The following SMPD3 variants were observed in gnomAD, a reference collection of about 807,000 sequenced individuals.
The protein encoded by SMPD3 is nSMase-2.
SMPD3 carries 21 observed loss-of-function variants against 55.7 expected under a neutral mutation model. That is an observed-to-expected ratio of 0.38 (90% CI 0.27 to 0.54). SMPD3 has a LOEUF of 0.54. Ranked by LOEUF, SMPD3 falls within the 20% of genes least tolerant of loss-of-function variation. SMPD3 has a pLI of 0.80. For missense variants in SMPD3, 842 were observed against 899.6 expected (o/e 0.94, Z 0.82); for synonymous variants, 457 against 404.3 (o/e 1.13, Z -1.56).
chr16:68,402,546 T>C (rs141553577), intron 1 of SMPD3, among the ~76,000 whole-genome samples: 1 of 152,258 alleles, frequency 6.6e-6, no homozygotes, highest in African/African-American at 2.4e-5. Flanking sequence ...ATTTGTTATA[T>C]AGCATGGTAG....
intron 1 of SMPD3, among the ~76,000 whole-genome samples, chr16:68,420,055 C>T (rs2090378076): frequency 6.7e-6 from 1 of 150,144 alleles, no homozygotes; most frequent in African/African-American, 2.5e-5. Context: ...GTGATCTTGG[C>T]TCACTGCAGC....
At chr16:68,374,383 AG>A (rs2089754862) in intron 2 of SMPD3, among the ~76,000 whole-genome samples, 1 of 152,224 alleles carries the variant, frequency 6.6e-6, no homozygotes, top group African/African-American at 2.4e-5. Context: ...CACTCTCCTC[AG>A]GGGAAATGCC....
chr16:68,376,855 T>A (rs1211771626), intron 2 of SMPD3, among the ~76,000 whole-genome samples: 1 of 152,202 alleles, frequency 6.6e-6, no homozygotes, highest in African/African-American at 2.4e-5. Flanking sequence ...GGCTTGGGAC[T>A]CAGGGTGACC....
chr16:68,424,691 C>A (rs1187733037), intron 1 of SMPD3, among the ~76,000 whole-genome samples: 1 of 152,160 alleles, frequency 6.6e-6, no homozygotes, highest in Non-Finnish European at 1.5e-5. Flanking sequence ...GTCTTCATGA[C>A]TCTATTATAA....
chr16:68,432,261 C>T (rs1414623503), intron 1 of SMPD3, among the ~76,000 whole-genome samples: 13 of 152,170 alleles, frequency 8.5e-5, no homozygotes, highest in Non-Finnish European at 2.9e-5. Flanking sequence ...CTTCTTCCTT[C>T]TCCAAAGCCA....
intron 1 of SMPD3, among the ~76,000 whole-genome samples, chr16:68,431,806 C>A (rs919443827): frequency 7.9e-5 from 12 of 152,280 alleles, no homozygotes; most frequent in African/African-American, 2.9e-4. Context: ...TCTGTAATCC[C>A]AGCTACTTGG....
At chr16:68,389,003 A>T (rs1341845569) in intron 1 of SMPD3, among the ~76,000 whole-genome samples, 1 of 152,172 alleles carries the variant, frequency 6.6e-6, no homozygotes, top group East Asian at 1.9e-4. Flanking sequence ...AGGCAAGCAG[A>T]ATCAGCTCCT....
chr16:68,371,504 G>T lies in SMPD3; in HGVS notation c.678C>A (p.Asn226Lys), dbSNP rs779542326. The T allele has an allele frequency of 1.3e-6, 2 of 1,599,004 alleles. No homozygotes were observed. The highest frequency in any genetic ancestry group is 1.3e-5 in the African/African-American group (1 of 74,874). Residue 226 changes from asparagine to lysine, a missense_variant, in exon 3 of 9, where the codon AAC becomes AAA. Physicochemically the swap from Asn to Lys is moderately conservative, Grantham distance 94. Coordinates refer to ENST00000219334, the MANE Select transcript of SMPD3 (RefSeq NM_018667.4). Reference sequence around the variant, plus strand: ...CGACAGGGTCCCCAGAGGCTGGGCCGTTGGCAGCCTCGTCACCGGGGTGCC... The same window carrying T: ...CGACAGGGTCCCCAGAGGCTGGGCCTTTGGCAGCCTCGTCACCGGGGTGCC... ...GGRHPGDEAANGPASGDPVDS... is the reference protein window; with the variant it reads ...GGRHPGDEAAKGPASGDPVDS...
chr16:68,361,561 C>G lies in SMPD3; in HGVS notation c.1866+42G>C, dbSNP rs934239057. On this transcript the variant is annotated intron_variant, in intron 8 of 8. Transcript: ENST00000219334. ...AGAGCTGCAGGGCCCGGGCCCTGCT[C>G]TCTCTTTGCATGGCCCTGGCTGCTG... is the stretch of plus-strand genomic sequence containing the variant. 13 of 1,598,482 alleles carry G rather than the reference C, an allele frequency of 8.1e-6. No individual in the cohort carries two copies. In the African/African-American group the frequency reaches 1.6e-4, roughly 20 times the overall value.
At chr16:68,444,324 G>A (rs1053549202) in intron 1 of SMPD3, among the ~76,000 whole-genome samples, 1 of 152,188 alleles carries the variant, frequency 6.6e-6, no homozygotes, top group Non-Finnish European at 1.5e-5. Context: ...GAAATTTTCC[G>A]AGAAAAGCTG....
intron 1 of SMPD3, among the ~76,000 whole-genome samples, chr16:68,422,347 T>A (rs2090401185): frequency 1.3e-5 from 2 of 152,204 alleles, no homozygotes; most frequent in Non-Finnish European, 2.9e-5. Context: ...CCTCTTCCCT[T>A]GCCCAGAACT....
At chr16:68,437,110 G>A (rs1399094184) in intron 1 of SMPD3, among the ~76,000 whole-genome samples, 2 of 152,194 alleles carry the variant, frequency 1.3e-5, no homozygotes, top group Admixed American at 6.5e-5. Context: ...TTTTAGAATT[G>A]ACTACCTCCC....
intron 1 of SMPD3, among the ~76,000 whole-genome samples, chr16:68,412,464 TC>T (rs1203789313): frequency 6.6e-6 from 1 of 152,128 alleles, no homozygotes; most frequent in Non-Finnish European, 1.5e-5. Flanking sequence ...AGCTGGTGAA[TC>T]CAGGAGTAAG....
At chr16:68,397,406 G>C (rs1392088752) in intron 1 of SMPD3, among the ~76,000 whole-genome samples, 2 of 152,212 alleles carry the variant, frequency 1.3e-5, no homozygotes. Flanking sequence ...TATAAACCCA[G>C]CAGGAACCAG....
rs554955830 is a variant in SMPD3, at chr16:68,438,118, C to T, written c.-269+10235G>A. Among the ~76,000 whole-genome samples the T allele has an allele frequency of 3.3e-5, 5 of 152,272 alleles. No homozygotes were observed. The East Asian group carries it at 9.7e-4, about 29-fold the overall frequency. On this transcript the variant is annotated intron_variant, in intron 1 of 8. Coordinates refer to ENST00000219334, the MANE Select transcript of SMPD3 (RefSeq NM_018667.4). ...ATCATGAACCAAAGGATACTATTGC[C>T]TGCCTCCCAGTGCACAGGGAGCAAA...
intron 1 of SMPD3, among the ~76,000 whole-genome samples, chr16:68,440,788 G>A (rs1307242223): frequency 3.3e-5 from 5 of 152,172 alleles, no homozygotes; most frequent in African/African-American, 9.7e-5. Flanking sequence ...AGAGCACAAG[G>A]TTGTCATTCC....
intron 1 of SMPD3, among the ~76,000 whole-genome samples, chr16:68,402,121 C>A (rs1027290514): frequency 2.6e-5 from 4 of 152,198 alleles, no homozygotes; most frequent in African/African-American, 9.7e-5. Context: ...TTTAGACTGT[C>A]ATTTCCCTGG....
chr16:68,365,114 G>A (rs375613467), intron 3 of SMPD3, 22 bp from the exon 4 acceptor site: 2 of 1,612,522 alleles, frequency 1.2e-6, no homozygotes, highest in African/African-American at 2.7e-5. Flanking sequence ...GGGGGTCAGT[G>A]CTGCCACCTG....
At chr16:68,383,678 T>C (rs142155963) in intron 2 of SMPD3, among the ~76,000 whole-genome samples, 96 of 152,300 alleles carry the variant, frequency 6.3e-4, no homozygotes, top group African/African-American at 2.1e-3. Context: ...GCTGATCCCT[T>C]GTGGGTTACC....
Sources: gnomAD v4.1 joint callset for allele counts (sites outside exome capture counted in the v4.1 genomes callset) on GRCh38, gnomAD v4.1.1 for gene constraint, MANE v1.5 for transcripts, NCBI Gene and HGNC (gene_info 2026-07-23, HGNC 2026-07-21) for gene names.